SPOCK1: variants seen among roughly 807,000 people sequenced by gnomAD.
SPOCK1 encodes SPARC (osteonectin), cwcv and kazal like domains proteoglycan 1.
A neutral mutation model predicts 55.3 loss-of-function variants in SPOCK1; 23 were observed. That is an observed-to-expected ratio of 0.42 (90% confidence interval 0.30 to 0.59). The LOEUF (loss-of-function observed/expected upper bound fraction) is 0.59, where lower values mean the gene tolerates loss of function less well. Ranked by LOEUF, SPOCK1 falls within the 20% of genes least tolerant of loss-of-function variation. SPOCK1 has a pLI of 0.22. For missense variants in SPOCK1, 499 were observed against 552.5 expected (o/e 0.90, Z 0.97); for synonymous variants, 226 against 221.0 (o/e 1.02, Z -0.20).
chr5:137,467,522 A>G (rs1443253175), intron 2 of SPOCK1, among the ~76,000 whole-genome samples: 2 of 152,208 alleles, frequency 1.3e-5, no homozygotes, highest in African/African-American at 4.8e-5. Flanking sequence ...ATAGAAGAGG[A>G]AACAGATATT....
At chr5:137,026,133 GA>G (rs1232213834) in intron 6 of SPOCK1, among the ~76,000 whole-genome samples, 1 of 152,248 alleles carries the variant, frequency 6.6e-6, no homozygotes, top group Non-Finnish European at 1.5e-5. Flanking sequence ...GACCAGGCTA[GA>G]GAAAGAACCA....
chr5:137,463,872 C>T (rs776381469), intron 2 of SPOCK1, among the ~76,000 whole-genome samples: 2 of 152,104 alleles, frequency 1.3e-5, no homozygotes, highest in Non-Finnish European at 2.9e-5. Flanking sequence ...CACTTGAACT[C>T]GGGATGCAGA....
At chr5:137,219,545 C>T (rs1043773374) in intron 3 of SPOCK1, among the ~76,000 whole-genome samples, 4 of 152,188 alleles carry the variant, frequency 2.6e-5, no homozygotes, top group African/African-American at 4.8e-5. Flanking sequence ...AAGAATCATG[C>T]CTTTTTTTCT....
At chr5:137,189,089 T>C (rs1028970703) in intron 3 of SPOCK1, among the ~76,000 whole-genome samples, 69 of 152,342 alleles carry the variant, frequency 4.5e-4, no homozygotes, top group African/African-American at 1.6e-3. Flanking sequence ...TATTGGTTCA[T>C]GAAGTTTAAA....
chr5:136,976,756 TA>T lies in SPOCK1; in HGVS notation c.*1897del, dbSNP rs1040432930. On this transcript the variant is annotated 3_prime_UTR_variant, in exon 11 of 11. Coordinates refer to ENST00000394945, the MANE Select transcript of SPOCK1 (RefSeq NM_004598.4). ...TCTGTCTTCCTATGGGGAAAGTAAG[TA>T]CAAAACCTCAGGGTTATTTACGAAG... 13 of 152,294 alleles carry T rather than the reference TA, an allele frequency of 8.5e-5. No homozygotes were observed. The highest frequency in any genetic ancestry group is 3.1e-4 in the African/African-American group (13 of 41,448). 9.4% of individuals were successfully genotyped at this position (152,294 alleles called of 1,614,324 possible).
chr5:137,078,282 C>G (rs1202590559), intron 5 of SPOCK1, among the ~76,000 whole-genome samples: 1 of 152,170 alleles, frequency 6.6e-6, no homozygotes, highest in African/African-American at 2.4e-5. Context: ...ATTAAAATGT[C>G]TCTGCAGCTA....
At chr5:137,468,457 A>C (rs1017027930) in intron 2 of SPOCK1, among the ~76,000 whole-genome samples, 1 of 152,208 alleles carries the variant, frequency 6.6e-6, no homozygotes, top group Non-Finnish European at 1.5e-5. Flanking sequence ...ACATTTCAAT[A>C]CATCTGAAAT....
At chr5:137,281,969 T>C (rs886500029) in intron 2 of SPOCK1, among the ~76,000 whole-genome samples, 1 of 152,218 alleles carries the variant, frequency 6.6e-6, no homozygotes, top group Non-Finnish European at 1.5e-5. Context: ...GTAACTTTTC[T>C]TGATGTTTCT....
chr5:137,329,704 G>A (rs1580869639), intron 2 of SPOCK1, among the ~76,000 whole-genome samples: 1 of 152,134 alleles, frequency 6.6e-6, no homozygotes, highest in East Asian at 1.9e-4. Flanking sequence ...GAACCTTTCT[G>A]CATTATTGTT....
intron 3 of SPOCK1, among the ~76,000 whole-genome samples, chr5:137,241,929 T>G (rs1159620440): frequency 6.6e-6 from 1 of 152,184 alleles, no homozygotes; most frequent in Non-Finnish European, 1.5e-5. Context: ...GAATTCAGCA[T>G]ATTGAAGAAC....
chr5:137,156,562 G>A (rs1047843499), intron 3 of SPOCK1, among the ~76,000 whole-genome samples: 4 of 152,132 alleles, frequency 2.6e-5, no homozygotes, highest in African/African-American at 7.2e-5. Flanking sequence ...AGAGAGTTTC[G>A]CTGAGCACCT....
intron 2 of SPOCK1, among the ~76,000 whole-genome samples, chr5:137,302,607 T>TAAAC (rs1025733565): frequency 2.7e-5 from 4 of 150,746 alleles, no homozygotes; most frequent in African/African-American, 9.7e-5. Flanking sequence ...AATAAATAAA[T>TAAAC]AAATAAATAA....
chr5:137,356,838 T>TATATAGAGAGAGAGAG (rs1554077335), intron 2 of SPOCK1, among the ~76,000 whole-genome samples: 5 of 5,458 alleles, frequency 9.2e-4, no homozygotes, highest in Non-Finnish European at 1.2e-3. Context: ...TATATATATA[T>TATATAGAGAGAGAGAG]AGAGAGAGAG....
intron 2 of SPOCK1, among the ~76,000 whole-genome samples, chr5:137,349,083 G>T (rs1049095450): frequency 1.3e-5 from 2 of 152,160 alleles, no homozygotes; most frequent in Non-Finnish European, 2.9e-5. Context: ...ACTCAAGATC[G>T]ATAGTTCTCT....
intron 2 of SPOCK1, among the ~76,000 whole-genome samples, chr5:137,301,538 C>T (rs1158462309): frequency 6.6e-6 from 1 of 151,686 alleles, no homozygotes; most frequent in Non-Finnish European, 1.5e-5. Context: ...TCAGTCAATA[C>T]TAAAGCAGTA....
intron 6 of SPOCK1, among the ~76,000 whole-genome samples, chr5:137,023,880 CA>C (rs1000637410): frequency 3.3e-5 from 5 of 150,150 alleles, no homozygotes; most frequent in African/African-American, 1.2e-4. Flanking sequence ...TAGCACAATG[CA>C]AATAAAGGTA....
At chr5:137,127,458 G>T (rs1057101570) in intron 4 of SPOCK1, among the ~76,000 whole-genome samples, 1 of 152,242 alleles carries the variant, frequency 6.6e-6, no homozygotes, top group Non-Finnish European at 1.5e-5. Flanking sequence ...GCAAAGCCGT[G>T]GGGGCAACAC....
At chr5:137,321,414 G>A (rs1223250183) in intron 2 of SPOCK1, among the ~76,000 whole-genome samples, 1 of 152,124 alleles carries the variant, frequency 6.6e-6, no homozygotes, top group Non-Finnish European at 1.5e-5. Flanking sequence ...TCCACACTGA[G>A]ATACATTATA....
chr5:137,286,205 A>G (rs886320909), intron 2 of SPOCK1, among the ~76,000 whole-genome samples: 1 of 152,192 alleles, frequency 6.6e-6, no homozygotes, highest in African/African-American at 2.4e-5. Flanking sequence ...GACAGGATCT[A>G]AATCTAGGTC....
Sources: gnomAD v4.1 joint callset for allele counts (sites outside exome capture counted in the v4.1 genomes callset) on GRCh38, gnomAD v4.1.1 for gene constraint, MANE v1.5 for transcripts, NCBI Gene and HGNC (gene_info 2026-07-23, HGNC 2026-07-21) for gene names.